ASTN1: variants seen among roughly 807,000 people sequenced by gnomAD.
The protein encoded by ASTN1 is astrotactin-1.
Under a neutral mutation model 140.7 loss-of-function variants are expected in ASTN1, and 41 were observed. The ratio of observed to expected loss-of-function variants is 0.29; its 90% CI spans 0.23 to 0.38. ASTN1 has a LOEUF of 0.38. Among genes scored for constraint, ASTN1 ranks in the 10% least tolerant of loss-of-function variants. The pLI is 1.00. For missense variants in ASTN1, 1,479 were observed against 1,678.8 expected (o/e 0.88, Z 2.08); for synonymous variants, 640 against 652.2 (o/e 0.98, Z 0.29).
chr1:177,006,187 A>T (rs1335262963), intron 8 of ASTN1, among the ~76,000 whole-genome samples: 1 of 152,200 alleles, frequency 6.6e-6, no homozygotes, highest in African/African-American at 2.4e-5. Flanking sequence ...AAGTTTTGAG[A>T]AAAATAATGT....
At chr1:177,032,873 G>A (rs779797617) in intron 2 of ASTN1, 24 bp from the exon 3 acceptor site, 1 of 1,557,028 alleles carries the variant, frequency 6.4e-7, no homozygotes, top group Non-Finnish European at 8.7e-7. Flanking sequence ...ACCACAGATG[G>A]ATGTGGGAAG....
chr1:176,915,264 C>T (rs967999341), intron 16 of ASTN1, among the ~76,000 whole-genome samples: 3 of 152,150 alleles, frequency 2.0e-5, no homozygotes, highest in African/African-American at 7.2e-5. Context: ...AGGTGTTCTA[C>T]CCGCCTTATG....
At chr1:177,099,795 G>A (rs1680213194) in intron 1 of ASTN1, among the ~76,000 whole-genome samples, 1 of 152,068 alleles carries the variant, frequency 6.6e-6, no homozygotes, top group South Asian at 2.1e-4. Flanking sequence ...ATCTAAGAAG[G>A]CCCATGAAAA....
At chr1:177,154,585 A>C (rs138988722) in intron 1 of ASTN1, among the ~76,000 whole-genome samples, 1 of 152,186 alleles carries the variant, frequency 6.6e-6, no homozygotes, top group Admixed American at 6.5e-5. Flanking sequence ...AAGAGTAAGT[A>C]TCAGAATAAC....
At chr1:176,883,378 A>G (rs1448197886) in intron 19 of ASTN1, among the ~76,000 whole-genome samples, 1 of 152,020 alleles carries the variant, frequency 6.6e-6, no homozygotes, top group African/African-American at 2.4e-5. Flanking sequence ...GATTACAGGC[A>G]CATGCCGGGG....
chr1:176,919,472 C>A (rs1039826746), intron 16 of ASTN1, among the ~76,000 whole-genome samples: 1 of 152,058 alleles, frequency 6.6e-6, no homozygotes, highest in African/African-American at 2.4e-5. Flanking sequence ...TTCTACTCTA[C>A]CGTGTAAAAG....
chr1:177,056,735 C>T (rs186958911), intron 2 of ASTN1, among the ~76,000 whole-genome samples: 74 of 152,116 alleles, frequency 4.9e-4, no homozygotes, highest in Middle Eastern at 3.4e-3. Flanking sequence ...CTACTGTGCA[C>T]CATTAAACTC....
At position 176,863,449 on chromosome 1, in the gene ASTN1, T is replaced by G; in HGVS notation, c.*835A>C. 5.4e-5 allele frequency: 53 copies of G among 985,792 alleles called. No homozygotes were observed. The highest frequency in any genetic ancestry group is 6.3e-5 in the Non-Finnish European group (52 of 829,928). The allele number at this position is 985,792 out of a possible 1,614,324, so 61.1% of individuals were successfully genotyped here. On this transcript the variant is annotated 3_prime_UTR_variant, in exon 23 of 23. Transcript: ENST00000361833. ...AAGTCTATCCAAAGGAAGCATGGTT[T>G]TTTTAAAAAACAATAAACTCCAAGT...
At chr1:176,877,394 C>T (rs1668610850) in intron 20 of ASTN1, among the ~76,000 whole-genome samples, 1 of 152,188 alleles carries the variant, frequency 6.6e-6, no homozygotes, top group East Asian at 1.9e-4. Context: ...TGGCTAGACT[C>T]TTCATTCCCC....
chr1:176,863,322 C>G lies in ASTN1; in HGVS notation c.*962G>C. The G allele has an allele frequency of 2.0e-6, 2 of 985,856 alleles. No homozygotes were observed. Among genetic ancestry groups the G allele is most frequent in the Non-Finnish European group, 2.4e-6 (2 of 829,942 alleles). The allele number at this position is 985,856 out of a possible 1,614,324, so 61.1% of individuals were successfully genotyped here. A position where few individuals can be genotyped will look rare whatever the true frequency, so the allele number is the denominator to read the frequency against. Reference sequence around the variant, plus strand: ...CACTGATATGAAAGTGTTGACCCCTCCTGGTCCCAATCAGACATCGGCCAA... The same window carrying G: ...CACTGATATGAAAGTGTTGACCCCTGCTGGTCCCAATCAGACATCGGCCAA... On this transcript the variant is annotated 3_prime_UTR_variant, in exon 23 of 23. Coordinates refer to ENST00000361833, the MANE Select transcript of ASTN1 (RefSeq NM_004319.3).
chr1:177,064,255 C>T (rs1278740916), intron 1 of ASTN1, among the ~76,000 whole-genome samples: 2 of 152,172 alleles, frequency 1.3e-5, no homozygotes, highest in African/African-American at 2.4e-5. Context: ...TTTTATGCTG[C>T]AGTCTTTTAA....
At chr1:177,047,196 G>T (rs941601556) in intron 2 of ASTN1, among the ~76,000 whole-genome samples, 3 of 152,324 alleles carry the variant, frequency 2.0e-5, no homozygotes, top group East Asian at 1.9e-4. Flanking sequence ...AGAGAAAAGG[G>T]GGTCAGAAAC....
intron 8 of ASTN1, among the ~76,000 whole-genome samples, chr1:176,977,172 A>T (rs553731613): frequency 6.6e-6 from 1 of 152,364 alleles, no homozygotes; most frequent in South Asian, 2.1e-4. Flanking sequence ...TAAAATATCC[A>T]TTAAGGAACT....
Position 176,862,056 on chromosome 1 carries a change from C to T in ASTN1, c.*2228G>A. The T allele has an allele frequency of 1.0e-6, 1 of 985,370 alleles. No homozygotes were observed. Among genetic ancestry groups the T allele is most frequent in the Non-Finnish European group, 1.2e-6 (1 of 829,928 alleles). 61.0% of individuals were successfully genotyped at this position (985,370 alleles called of 1,614,324 possible). ...TGCACAGATATGAATAGAAGGATGG[C>T]AAAACAGTAGCAGCAAAGAGATGCT... On this transcript the variant is annotated 3_prime_UTR_variant, in exon 23 of 23. Transcript: ENST00000361833.
At chr1:176,910,927 A>G (rs902898025) in intron 16 of ASTN1, among the ~76,000 whole-genome samples, 3 of 152,178 alleles carry the variant, frequency 2.0e-5, no homozygotes, top group Non-Finnish European at 2.9e-5. Flanking sequence ...TCTAATGATA[A>G]ATGTAATGCT....
intron 2 of ASTN1, among the ~76,000 whole-genome samples, chr1:177,045,052 C>A (rs996600594): frequency 6.6e-6 from 1 of 151,916 alleles, no homozygotes; most frequent in Admixed American, 6.6e-5. Context: ...TTCCCTGAAA[C>A]GTCCTTCTTT....
chr1:177,090,762 C>A (rs1335895883), intron 1 of ASTN1, among the ~76,000 whole-genome samples: 3 of 152,164 alleles, frequency 2.0e-5, no homozygotes, highest in African/African-American at 7.2e-5. Context: ...TTGTTCTACT[C>A]ATTTTTCCTT....
intron 2 of ASTN1, among the ~76,000 whole-genome samples, chr1:177,038,401 G>A (rs1571691485): frequency 6.6e-6 from 1 of 152,272 alleles, no homozygotes; most frequent in African/African-American, 2.4e-5. Flanking sequence ...TTAAAACGCA[G>A]CGCCTGGCAT....
chr1:177,047,010 A>G (rs1677264357), intron 2 of ASTN1, among the ~76,000 whole-genome samples: 1 of 152,200 alleles, frequency 6.6e-6, no homozygotes, highest in South Asian at 2.1e-4. Context: ...TTGTCTGTCC[A>G]TTCCCAAAGT....
Sources: gnomAD v4.1 joint callset for allele counts (sites outside exome capture counted in the v4.1 genomes callset) on GRCh38, gnomAD v4.1.1 for gene constraint, MANE v1.5 for transcripts, NCBI Gene and HGNC (gene_info 2026-07-23, HGNC 2026-07-21) for gene names.